PRKN: variants seen among roughly 807,000 people sequenced by gnomAD.
PRKN encodes the protein E3 ubiquitin-protein ligase parkin.
In PRKN, 56 loss-of-function variants were observed where a neutral mutation model predicts 59.5. The observed-to-expected ratio is 0.94, with a 90% CI of 0.76 to 1.18. The LOEUF (loss-of-function observed/expected upper bound fraction) is 1.18. PRKN is among the 50% of genes most tolerant of loss of function. The probability of loss-of-function intolerance (pLI) is 0.00; values close to 1 mark genes in which losing one functional copy is unlikely to be tolerated. For synonymous variants in PRKN, 250 were observed against 222.1 expected (o/e 1.13, Z -1.12); for missense variants, 657 against 596.4 (o/e 1.10, Z -1.06).
At chr6:161,680,029 C>T (rs552259286) in intron 7 of PRKN, among the ~76,000 whole-genome samples, 5 of 152,114 alleles carry the variant, frequency 3.3e-5, no homozygotes, top group Non-Finnish European at 7.3e-5. Flanking sequence ...GCTGGGATTA[C>T]AGGCATGAGC....
intron 2 of PRKN, among the ~76,000 whole-genome samples, chr6:162,348,325 A>G (rs1345693798): frequency 6.6e-6 from 1 of 152,190 alleles, no homozygotes; most frequent in Non-Finnish European, 1.5e-5. Context: ...ATTTCCAAGT[A>G]ACTTAACTCG....
intron 6 of PRKN, among the ~76,000 whole-genome samples, chr6:161,838,733 A>C (rs1792862136): frequency 1.3e-5 from 2 of 152,250 alleles, no homozygotes; most frequent in Admixed American, 1.3e-4. Context: ...TGCAGGGAGG[A>C]GACACAAGCA....
intron 7 of PRKN, among the ~76,000 whole-genome samples, chr6:161,706,400 C>G (rs556548586): frequency 4.6e-5 from 7 of 152,286 alleles, no homozygotes; most frequent in African/African-American, 1.7e-4. Context: ...CCCATAACAC[C>G]CCGGGTTCAC....
intron 4 of PRKN, among the ~76,000 whole-genome samples, chr6:162,055,119 G>A (rs747607534): frequency 2.0e-5 from 3 of 152,150 alleles, no homozygotes; most frequent in Non-Finnish European, 1.5e-5. Context: ...CCGAGATTGT[G>A]CCACTGCACT....
At chr6:162,202,187 A>C (rs1018996211) in intron 3 of PRKN, among the ~76,000 whole-genome samples, 2 of 152,140 alleles carry the variant, frequency 1.3e-5, no homozygotes, top group Admixed American at 1.3e-4. Flanking sequence ...CATCAGAGGC[A>C]CCTAGAGATA....
At chr6:162,506,928 C>T (rs1052587087) in intron 1 of PRKN, among the ~76,000 whole-genome samples, 2 of 152,076 alleles carry the variant, frequency 1.3e-5, no homozygotes, top group Non-Finnish European at 2.9e-5. Flanking sequence ...GAATCACCAT[C>T]CCATATTTTG....
chr6:162,665,672 A>G lies in PRKN; in HGVS notation c.7+61990T>C, dbSNP rs146115821. On this transcript the variant is annotated intron_variant, in intron 1 of 11. Coordinates refer to ENST00000366898, the MANE Select transcript of PRKN (RefSeq NM_004562.3). The stretch of plus-strand genomic sequence containing the variant: ...TGCCATTGACATTCTTCACAGAATT[A>G]GAAAAAAACTATTTTAAATTATGGA... Among the ~76,000 whole-genome samples the G allele has an allele frequency of 4.1e-3, 619 of 152,318 alleles. 4 individuals carry two copies. The highest frequency in any genetic ancestry group is 6.1e-3 in the Non-Finnish European group (416 of 68,016).
chr6:162,628,951 A>G (rs571244893), intron 1 of PRKN, among the ~76,000 whole-genome samples: 1 of 152,196 alleles, frequency 6.6e-6, no homozygotes, highest in South Asian at 2.1e-4. Flanking sequence ...GTCTCGTACT[A>G]TTTTACAATT....
In PRKN at chr6:162,492,449, C is replaced by G. The variant is rs77993101; in HGVS notation, c.8-48976G>C. Among the ~76,000 whole-genome samples, 774 of 150,334 alleles carry G rather than the reference C, an allele frequency of 5.1e-3. 7 individuals are homozygous for G. The highest frequency in any genetic ancestry group is 0.018 in the African/African-American group (741 of 41,456). ...CAGGTCCCATCCCTGGGCTGAGGCT[C>G]TTTATCGAGGAAAGAAAGAAATGTC... On this transcript the variant is annotated intron_variant, in intron 1 of 11. Transcript: ENST00000366898.
intron 2 of PRKN, among the ~76,000 whole-genome samples, chr6:162,282,784 C>T (rs1780970429): frequency 6.6e-6 from 1 of 152,254 alleles, no homozygotes; most frequent in Non-Finnish European, 1.5e-5. Flanking sequence ...TCTGTATATG[C>T]ATTAACTTAT....
At chr6:161,840,874 C>G (rs1299790559) in intron 6 of PRKN, among the ~76,000 whole-genome samples, 1 of 152,020 alleles carries the variant, frequency 6.6e-6, no homozygotes, top group African/African-American at 2.4e-5. Context: ...GAGATACCAT[C>G]TCACACTGGT....
At chr6:162,150,580 A>T (rs1782227417) in intron 4 of PRKN, among the ~76,000 whole-genome samples, 1 of 152,178 alleles carries the variant, frequency 6.6e-6, no homozygotes, top group Non-Finnish European at 1.5e-5. Flanking sequence ...CAGATCTCAC[A>T]CCGGGGAAAA....
chr6:162,600,872 T>A (rs1301744927), intron 1 of PRKN, among the ~76,000 whole-genome samples: 2 of 152,170 alleles, frequency 1.3e-5, no homozygotes, highest in African/African-American at 4.8e-5. Flanking sequence ...CCTCTATGCT[T>A]CCTGTACAAC....
At chr6:162,042,594 A>G (rs1389459026) in intron 5 of PRKN, among the ~76,000 whole-genome samples, 1 of 152,166 alleles carries the variant, frequency 6.6e-6, no homozygotes, top group East Asian at 1.9e-4. Context: ...TGGCTGAACC[A>G]TAGCCCTTTT....
intron 1 of PRKN, among the ~76,000 whole-genome samples, chr6:162,511,035 T>G (rs1022063895): frequency 6.6e-6 from 1 of 152,120 alleles, no homozygotes; most frequent in South Asian, 2.1e-4. Context: ...TAAAGGAAAT[T>G]TTAATGAAAC....
At position 161,897,819 on chromosome 6, in the gene PRKN, G is replaced by A. The variant is rs549710472; in HGVS notation, c.734+75483C>T. On this transcript the variant is annotated intron_variant, in intron 6 of 11. Transcript: ENST00000366898. ...CCCGTCTCTACTGAAAATACAAAAA[G>A]TTCCGGGCGTAGTGGCGGGCGCCTG... 3.3e-3 allele frequency among the ~76,000 whole-genome samples: 328 copies of A among 99,718 alleles called. 1 individual carries two copies. Among genetic ancestry groups the A allele is most frequent in the African/African-American group, 4.6e-3 (72 of 15,762 alleles). The allele number at this position is 99,718 out of a possible 152,430, so 65.4% of individuals were successfully genotyped here.
At chr6:162,144,808 A>C (rs1781950773) in intron 4 of PRKN, among the ~76,000 whole-genome samples, 1 of 152,256 alleles carries the variant, frequency 6.6e-6, no homozygotes, top group Non-Finnish European at 1.5e-5. Context: ...GGAAAGTCTC[A>C]CACTGACAGG....
At chr6:162,662,214 A>C (rs1439554317) in intron 1 of PRKN, among the ~76,000 whole-genome samples, 1 of 151,998 alleles carries the variant, frequency 6.6e-6, no homozygotes, top group Non-Finnish European at 1.5e-5. Flanking sequence ...CTGAAACCTG[A>C]AACGGGGCAA....
At chr6:162,409,357 A>G (rs1244903723) in intron 2 of PRKN, among the ~76,000 whole-genome samples, 1 of 151,248 alleles carries the variant, frequency 6.6e-6, no homozygotes, top group East Asian at 2.0e-4. Flanking sequence ...GGGTCTCACT[A>G]TGTTGCCCAG....
Sources: gnomAD v4.1 joint callset for allele counts (sites outside exome capture counted in the v4.1 genomes callset) on GRCh38, gnomAD v4.1.1 for gene constraint, MANE v1.5 for transcripts, NCBI Gene and HGNC (gene_info 2026-07-23, HGNC 2026-07-21) for gene names.